KCNQ1OT1: variants seen among roughly 807,000 people sequenced by gnomAD.
KCNQ1OT1 encodes the protein KCNQ1 antisense RNA 2 (non-protein coding).
exon 1 of KCNQ1OT1, chr11:2,688,765 C>T (rs1377675632): frequency 1.0e-5 from 4 of 398,774 alleles, no homozygotes; most frequent in Non-Finnish European, 1.8e-5. Flanking sequence ...GCAGTTTCCA[C>T]CTATACCACA....
At chr11:2,634,237 G>A (rs1849414278) in exon 1 of KCNQ1OT1, 1 of 387,788 alleles carries the variant, frequency 2.6e-6, no homozygotes, top group African/African-American at 2.1e-5. Context: ...TGTTACATAT[G>A]TATACATGTG....
chr11:2,633,990 T>C (rs1849407291), exon 1 of KCNQ1OT1: 2 of 398,420 alleles, frequency 5.0e-6, no homozygotes, highest in African/African-American at 2.1e-5. Flanking sequence ...TGTTGAAGAG[T>C]CGACTGTATT....
rs144556955 is a variant in KCNQ1OT1, at chr11:2,625,954, G to A, written n.74041C>T. 1.5e-3 allele frequency: 585 copies of A among 398,478 alleles called. 9 individuals carry two copies. In the East Asian group the frequency reaches 0.02, roughly 14 times the overall value. The allele number at this position is 398,478 out of a possible 1,614,324, so 24.7% of individuals were successfully genotyped here. Reference sequence around the variant, plus strand: ...AATCTGGACATTAATCCCTTATCAGGTATGTGATTTGCAAATTTTTCTCCC... The same window carrying A: ...AATCTGGACATTAATCCCTTATCAGATATGTGATTTGCAAATTTTTCTCCC... On this transcript the variant is annotated non_coding_transcript_exon_variant, in exon 1 of 1. Coordinates refer to ENST00000597346, the Ensembl canonical transcript of KCNQ1OT1.
chr11:2,656,731 A>G (rs1293699974), exon 1 of KCNQ1OT1: 2 of 398,546 alleles, frequency 5.0e-6, no homozygotes, highest in Non-Finnish European at 8.8e-6. Flanking sequence ...TCTAATGTCA[A>G]ATTACTCAGT....
In KCNQ1OT1 at chr11:2,611,555, C is replaced by T; in HGVS notation, n.88440G>A. On this transcript the variant is annotated non_coding_transcript_exon_variant, in exon 1 of 1. Coordinates refer to ENST00000597346, the Ensembl canonical transcript of KCNQ1OT1. The surrounding 1 kb of genome is among the most constrained non-coding windows in gnomAD (Gnocchi z 5.3). ...TACAGTCACTCTAGCTTTCTTATTA[C>T]TGTTTGCATGTCATCTTTTTCCATC... 2 of 398,502 alleles carry T rather than the reference C, an allele frequency of 5.0e-6. No individual in the cohort carries two copies. Among genetic ancestry groups the T allele is most frequent in the Admixed American group, 8.8e-5 (2 of 22,730 alleles). The allele number at this position is 398,502 out of a possible 1,614,324, so 24.7% of individuals were successfully genotyped here. A position where few individuals can be genotyped will look rare whatever the true frequency, so the allele number is the denominator to read the frequency against.
chr11:2,661,940 G>C lies in KCNQ1OT1; in HGVS notation n.38055C>G, dbSNP rs755383531. ...GGTTGGGTGGGAGGCCTAACGTGCTGTCCCCACACTTTCTCCTCAGTAAGG... is the reference window on the plus strand; with the variant it reads ...GGTTGGGTGGGAGGCCTAACGTGCTCTCCCCACACTTTCTCCTCAGTAAGG... On this transcript the variant is annotated non_coding_transcript_exon_variant, in exon 1 of 1. Coordinates refer to ENST00000597346, the Ensembl canonical transcript of KCNQ1OT1. This position sits in a 1 kb window ranked among gnomAD's most constrained non-coding sequence, Gnocchi z 5.9. 3 of 1,614,110 alleles carry C rather than the reference G, an allele frequency of 1.9e-6. No homozygotes were observed. In the South Asian group the frequency reaches 3.3e-5, roughly 18 times the overall value.
At chr11:2,696,698 G>C (rs970843344) in exon 1 of KCNQ1OT1, 3 of 398,458 alleles carry the variant, frequency 7.5e-6, no homozygotes, top group Non-Finnish European at 1.3e-5. Flanking sequence ...AAAATAAAAT[G>C]TCTCTGCATA....
chr11:2,666,817 G>A (rs1472008796), exon 1 of KCNQ1OT1: 6 of 398,720 alleles, frequency 1.5e-5, no homozygotes, highest in East Asian at 7.1e-5. Flanking sequence ...GGAAAGGACA[G>A]AAAGGACATT....
exon 1 of KCNQ1OT1, chr11:2,650,325 T>TC (rs996080655): frequency 2.0e-5 from 8 of 398,456 alleles, no homozygotes; most frequent in South Asian, 2.5e-4. Context: ...CTTGTTTTTT[T>TC]CCCCCCAAGT....
At chr11:2,667,469 G>T in exon 1 of KCNQ1OT1, 1 of 398,682 alleles carries the variant, frequency 2.5e-6, no homozygotes, top group South Asian at 1.3e-4. Flanking sequence ...AGATGGTGTT[G>T]GAGGATGTGA....
In KCNQ1OT1 at chr11:2,620,928, TG is replaced by T. The variant is rs1214645084; in HGVS notation, n.79066del. On this transcript the variant is annotated non_coding_transcript_exon_variant, in exon 1 of 1. Coordinates refer to ENST00000597346, the Ensembl canonical transcript of KCNQ1OT1. This position sits in a 1 kb window ranked among gnomAD's most constrained non-coding sequence, Gnocchi z 4.5. ...ATCCCATTATGGTTTGGTGTTTTTT[TG>T]TTGTTGTTGTTTTGTTTTGTTTTTT... 1.6e-5 allele frequency: 6 copies of T among 369,118 alleles called. No individual in the cohort carries two copies. The highest frequency in any genetic ancestry group is 2.8e-5 in the Non-Finnish European group (6 of 216,600). 22.9% of individuals were successfully genotyped at this position (369,118 alleles called of 1,614,324 possible). A position where few individuals can be genotyped will look rare whatever the true frequency, so the allele number is the denominator to read the frequency against.
At position 2,674,936 on chromosome 11, in the gene KCNQ1OT1, C is replaced by T. The variant is rs905012447; in HGVS notation, n.25059G>A. On this transcript the variant is annotated non_coding_transcript_exon_variant, in exon 1 of 1. Transcript: ENST00000597346. This position sits in a 1 kb window ranked among gnomAD's most constrained non-coding sequence, Gnocchi z 5.9. ...CCAGCTGCAGAGTTTTTCCAGGCCTCGCTTCTGGGGCTGACTGGAGCTGTT... is the reference window on the plus strand; with the variant it reads ...CCAGCTGCAGAGTTTTTCCAGGCCTTGCTTCTGGGGCTGACTGGAGCTGTT... The T allele has an allele frequency of 1.5e-5, 6 of 397,868 alleles. No homozygotes were observed. Among genetic ancestry groups the T allele is most frequent in the South Asian group, 2.5e-4 (2 of 7,844 alleles). 24.6% of individuals were successfully genotyped at this position (397,868 alleles called of 1,614,324 possible).
Position 2,659,837 on chromosome 11 carries a change from T to G in KCNQ1OT1, n.40158A>C. On this transcript the variant is annotated non_coding_transcript_exon_variant, in exon 1 of 1. Transcript: ENST00000597346. The surrounding 1 kb of genome is among the most constrained non-coding windows in gnomAD (Gnocchi z 4.3). ...CTAATTTGCATTTCCATATTTATGTTAATTATGTATCTTTTCATGTGCTTA... is the reference window on the plus strand; with the variant it reads ...CTAATTTGCATTTCCATATTTATGTGAATTATGTATCTTTTCATGTGCTTA... 1 of 398,494 alleles carries G rather than the reference T, an allele frequency of 2.5e-6. No individual in the cohort carries two copies. Among genetic ancestry groups the G allele is most frequent in the Non-Finnish European group, 4.4e-6 (1 of 226,006 alleles). The allele number at this position is 398,494 out of a possible 1,614,324, so 24.7% of individuals were successfully genotyped here.
chr11:2,683,785 A>C lies in KCNQ1OT1; in HGVS notation n.16210T>G. Reference sequence around the variant, plus strand: ...TGGGCCTCTAAGGCTGGCTGCTCTTACTCTATACCCCAAAATCCCAGCCAC... The same window carrying C: ...TGGGCCTCTAAGGCTGGCTGCTCTTCCTCTATACCCCAAAATCCCAGCCAC... On this transcript the variant is annotated non_coding_transcript_exon_variant, in exon 1 of 1. Transcript: ENST00000597346. The surrounding 1 kb of genome is among the most constrained non-coding windows in gnomAD (Gnocchi z 4.7). 1 of 398,298 alleles carries C rather than the reference A, an allele frequency of 2.5e-6. No individual in the cohort carries two copies. Among genetic ancestry groups the C allele is most frequent in the Middle Eastern group, 6.3e-4 (1 of 1,588 alleles). The allele number at this position is 398,298 out of a possible 1,614,324, so 24.7% of individuals were successfully genotyped here.
chr11:2,653,791 G>A lies in KCNQ1OT1; in HGVS notation n.46204C>T. On this transcript the variant is annotated non_coding_transcript_exon_variant, in exon 1 of 1. Coordinates refer to ENST00000597346, the Ensembl canonical transcript of KCNQ1OT1. This position sits in a 1 kb window ranked among gnomAD's most constrained non-coding sequence, Gnocchi z 5.3. ...ACAAGCCATCCTTGGACCTGCAGCT[G>A]TACCTCCGATGGCTGAGGCAAGGTC... The A allele has an allele frequency of 2.5e-6, 1 of 398,632 alleles. No individual in the cohort carries two copies. The allele number at this position is 398,632 out of a possible 1,614,324, so 24.7% of individuals were successfully genotyped here. A position where few individuals can be genotyped will look rare whatever the true frequency, so the allele number is the denominator to read the frequency against.
Position 2,617,311 on chromosome 11 carries a change from T to TA in KCNQ1OT1, n.82683dup. On this transcript the variant is annotated non_coding_transcript_exon_variant, in exon 1 of 1. Transcript: ENST00000597346. The surrounding 1 kb of genome is among the most constrained non-coding windows in gnomAD (Gnocchi z 4.6). ...TTTTTTCTTTTTAAGATTCTACATA[T>TA]AGGTGAGATTATTTAAAACTTTTCA... 2.5e-6 allele frequency: 1 copy of TA among 398,436 alleles called. No individual in the cohort carries two copies. The highest frequency in any genetic ancestry group is 4.4e-5 in the Admixed American group (1 of 22,726). 24.7% of individuals were successfully genotyped at this position (398,436 alleles called of 1,614,324 possible). A position where few individuals can be genotyped will look rare whatever the true frequency, so the allele number is the denominator to read the frequency against.
chr11:2,632,678 T>C, exon 1 of KCNQ1OT1: 1 of 398,400 alleles, frequency 2.5e-6, no homozygotes, highest in East Asian at 3.6e-5. Flanking sequence ...GCAGTCAAAA[T>C]CCTCCATCTT....
At chr11:2,618,598 T>C (rs866338001) in exon 1 of KCNQ1OT1, 5 of 398,488 alleles carry the variant, frequency 1.3e-5, no homozygotes, top group East Asian at 1.1e-4. Context: ...GTTTGATCAA[T>C]AGTTTTGTAA....
In KCNQ1OT1 at chr11:2,642,633, C is replaced by T. The variant is rs1464546030; in HGVS notation, n.57362G>A. 2.0e-5 allele frequency: 8 copies of T among 397,454 alleles called. No homozygotes were observed. The highest frequency in any genetic ancestry group is 3.1e-5 in the Non-Finnish European group (7 of 225,594). 24.6% of individuals were successfully genotyped at this position (397,454 alleles called of 1,614,324 possible). A position where few individuals can be genotyped will look rare whatever the true frequency, so the allele number is the denominator to read the frequency against. Reference sequence around the variant, plus strand: ...AAAACCGATTTTGCATTTCATTGATCCTTTATATTTATTTAGTTTCTTGTT... The same window carrying T: ...AAAACCGATTTTGCATTTCATTGATTCTTTATATTTATTTAGTTTCTTGTT... On this transcript the variant is annotated non_coding_transcript_exon_variant, in exon 1 of 1. Transcript: ENST00000597346. The surrounding 1 kb of genome is among the most constrained non-coding windows in gnomAD (Gnocchi z 4.3).
Sources: gnomAD v4.1 joint callset for allele counts on GRCh38, gnomAD v4.1.1 for gene constraint, Gnocchi (gnomAD v3.1) non-coding constraint, MANE v1.5 for transcripts, NCBI Gene and HGNC (gene_info 2026-07-23, HGNC 2026-07-21) for gene names.